The following TOPAZ1 variants were observed in gnomAD, a reference collection of about 807,000 sequenced individuals.
The protein encoded by TOPAZ1 is testis and ovary specific TOPAZ 1.
A neutral mutation model predicts 172.2 loss-of-function variants in TOPAZ1; 66 were observed. The observed-to-expected ratio is 0.38, with a 90% CI of 0.31 to 0.47. The LOEUF is 0.47. Ranked by LOEUF, TOPAZ1 falls within the 20% of genes least tolerant of loss-of-function variation. The pLI, the probability that TOPAZ1 is intolerant of heterozygous loss-of-function variation, is 0.99. For synonymous variants in TOPAZ1, 681 were observed against 683.9 expected (o/e 1.00, Z 0.07); for missense variants, 1,822 against 1,972.4 (o/e 0.92, Z 1.44).
chr3:44,284,789 C>T (rs1700060156), intron 9 of TOPAZ1, among the ~76,000 whole-genome samples: 1 of 152,052 alleles, frequency 6.6e-6, no homozygotes, highest in Non-Finnish European at 1.5e-5. Flanking sequence ...ATTAGCAATT[C>T]AGTAGAAAAA....
Position 44,243,879 on chromosome 3 carries a change from A to C in TOPAZ1, c.1373A>C (p.Asn458Thr). Residue 458 changes from asparagine to threonine, a missense_variant, in exon 2 of 20, where the codon AAT (asparagine) becomes ACT (threonine). Asn to Thr is a moderately conservative substitution (Grantham distance 65). Around this residue, in one of 2 missense-constraint regions of TOPAZ1, gnomAD observed 1,489 missense variants for 1,490.8 expected, o/e 1.00. Coordinates refer to ENST00000309765, the MANE Select transcript of TOPAZ1 (RefSeq NM_001145030.2). ...SMKSFIGKSP[N>T]EYHIERRSSR... ...AAAAGCTTCATAGGGAAATCACCTAATGAGTACCATATTGAAAGGAGATCT... is the reference window on the plus strand; with the variant it reads ...AAAAGCTTCATAGGGAAATCACCTACTGAGTACCATATTGAAAGGAGATCT... The C allele has an allele frequency of 6.4e-7, 1 of 1,551,976 alleles. No homozygotes were observed. Among genetic ancestry groups the C allele is most frequent in the East Asian group, 2.4e-5 (1 of 40,894 alleles).
intron 8 of TOPAZ1, among the ~76,000 whole-genome samples, chr3:44,277,397 ATTC>A (rs1359759969): frequency 3.9e-5 from 6 of 152,170 alleles, no homozygotes; most frequent in African/African-American, 1.4e-4. Flanking sequence ...TTTCTGGTGT[ATTC>A]TTTGGTTATT....
At chr3:44,316,873 T>C (rs900186646) in intron 16 of TOPAZ1, among the ~76,000 whole-genome samples, 40 of 152,188 alleles carry the variant, frequency 2.6e-4, no homozygotes, top group African/African-American at 9.7e-4. Context: ...CTTGAATCTG[T>C]TGGGTCTGTT....
At chr3:44,262,928 C>G (rs1699790824) in intron 5 of TOPAZ1, among the ~76,000 whole-genome samples, 1 of 152,294 alleles carries the variant, frequency 6.6e-6, no homozygotes, top group Admixed American at 6.5e-5. Context: ...CTCCACCACC[C>G]TCATTTTGCA....
chr3:44,305,134 A>G lies in TOPAZ1; in HGVS notation c.3865-13A>G. 2 of 1,475,274 alleles carry G rather than the reference A, an allele frequency of 1.4e-6. No homozygotes were observed. The highest frequency in any genetic ancestry group is 1.8e-6 in the Non-Finnish European group (2 of 1,108,142). The allele number at this position is 1,475,274 out of a possible 1,614,324, so 91.4% of individuals were successfully genotyped here. On this transcript the variant is annotated splice_polypyrimidine_tract_variant and intron_variant, in intron 13 of 19. Coordinates refer to ENST00000309765, the MANE Select transcript of TOPAZ1 (RefSeq NM_001145030.2). ...CTTTTTCTTTTTTGTTTTGTTTTTA[A>G]TAATTTTGATAGCATTGTAAAGAAA...
chr3:44,310,534 C>T (rs1004950789), intron 16 of TOPAZ1, among the ~76,000 whole-genome samples: 2 of 152,070 alleles, frequency 1.3e-5, no homozygotes, highest in African/African-American at 2.4e-5. Flanking sequence ...CTTGCTATGG[C>T]CTAGGCTCCA....
rs2125674927 is a variant in TOPAZ1, at chr3:44,243,445, A to C, written c.939A>C (p.Gln313His). 6.4e-7 allele frequency: 1 copy of C among 1,551,708 alleles called. No individual in the cohort carries two copies. The highest frequency in any genetic ancestry group is 8.7e-7 in the Non-Finnish European group (1 of 1,146,962). The change falls in exon 2 of 20, where the codon CAA (glutamine) becomes CAC (histidine). Residue 313 changes from glutamine to histidine, a missense_variant. Transcript: ENST00000309765. ...SKTNGLLSCLQHEKNKYSIEE... is the reference protein window; with the variant it reads ...SKTNGLLSCLHHEKNKYSIEE... ...CCAATGGCTTGCTTTCCTGCCTTCAACATGAAAAAAATAAATATTCAATAG... is the reference window on the plus strand; with the variant it reads ...CCAATGGCTTGCTTTCCTGCCTTCACCATGAAAAAAATAAATATTCAATAG...
chr3:44,316,149 G>C (rs1417622275), intron 16 of TOPAZ1, among the ~76,000 whole-genome samples: 2 of 152,046 alleles, frequency 1.3e-5, no homozygotes, highest in Admixed American at 1.3e-4. Context: ...AGGAGGCTGA[G>C]GTGGGAGGAT....
chr3:44,244,290 A>G lies in TOPAZ1; in HGVS notation c.1784A>G (p.Lys595Arg), dbSNP rs1699530759. The G allele has an allele frequency of 1.3e-6, 2 of 1,550,794 alleles. No individual in the cohort carries two copies. The highest frequency in any genetic ancestry group is 1.7e-6 in the Non-Finnish European group (2 of 1,146,786). Reference protein sequence around the residue: ...IKEPIIKDDKKIKSEELSRRG... With the variant: ...IKEPIIKDDKRIKSEELSRRG... ...GAACCTATAATCAAGGATGATAAAA[A>G]GATAAAATCAGAGGAACTGAGCAGA... is the stretch of plus-strand genomic sequence containing the variant. Residue 595 changes from lysine to arginine, a missense_variant, in exon 2 of 20, where the codon AAG becomes AGG. Transcript: ENST00000309765.
intron 6 of TOPAZ1, 93 bp downstream of exon 6, chr3:44,267,229 G>C: frequency 1.2e-5 from 11 of 886,350 alleles, no homozygotes; most frequent in East Asian, 1.2e-4. Context: ...GATTAAAAAA[G>C]AAAAATGGAA....
chr3:44,286,535 A>T (rs1056154284), intron 9 of TOPAZ1, among the ~76,000 whole-genome samples: 1 of 152,240 alleles, frequency 6.6e-6, no homozygotes, highest in African/African-American at 2.4e-5. Flanking sequence ...AAAAATTATT[A>T]AAACTTTAAC....
chr3:44,247,732 C>T (rs920319198), intron 2 of TOPAZ1, among the ~76,000 whole-genome samples: 10 of 152,200 alleles, frequency 6.6e-5, no homozygotes, highest in African/African-American at 2.2e-4. Context: ...TCACTGCAAC[C>T]TATGCCTCCC....
chr3:44,297,849 TG>T (rs1559541466), intron 12 of TOPAZ1, among the ~76,000 whole-genome samples: 1 of 151,794 alleles, frequency 6.6e-6, no homozygotes, highest in African/African-American at 2.4e-5. Flanking sequence ...GAAAACGAAC[TG>T]GGGAAACCAG....
intron 5 of TOPAZ1, among the ~76,000 whole-genome samples, chr3:44,265,325 G>C (rs1185777973): frequency 2.0e-5 from 3 of 152,200 alleles, no homozygotes; most frequent in Admixed American, 6.5e-5. Context: ...ACTTCGGGAG[G>C]CCAAGGTGGG....
intron 3 of TOPAZ1, among the ~76,000 whole-genome samples, chr3:44,255,233 A>T (rs1177971670): frequency 3.0e-4 from 45 of 152,344 alleles, no homozygotes; most frequent in Non-Finnish European, 1.6e-4. Flanking sequence ...ATTATTTAAT[A>T]AATAACTTTG....
At position 44,242,149 on chromosome 3, in the gene TOPAZ1, G is replaced by A. The variant is rs1028041281; in HGVS notation, c.96G>A (p.Ala32=). ...AGCGGCAGGCGCCAGGGCCAGGCGC[G>A]GCGGGAGGCTGTGGCCCTGAGGCCG... ...LQKRQAPGPG[A]AGGCGPEAGG... Residue 32 remains alanine (A), a synonymous_variant, in exon 1 of 20, where the codon GCG becomes GCA. Transcript: ENST00000309765. 25 of 1,548,566 alleles carry A rather than the reference G, an allele frequency of 1.6e-5. No individual in the cohort carries two copies. Among genetic ancestry groups the A allele is most frequent in the Non-Finnish European group, 2.2e-5 (25 of 1,146,284 alleles).
intron 3 of TOPAZ1, among the ~76,000 whole-genome samples, 184 bp from the exon 4 acceptor site, chr3:44,255,967 A>T (rs934358533): frequency 6.6e-6 from 1 of 151,822 alleles, no homozygotes; most frequent in Non-Finnish European, 1.5e-5. Flanking sequence ...CTTTTTATAT[A>T]ATATAATGGA....
chr3:44,269,255 A>G lies in TOPAZ1; in HGVS notation c.3200A>G (p.Gln1067Arg). The change falls in exon 7 of 20, where the codon CAG becomes CGG. Residue 1067 changes from glutamine to arginine, a missense_variant. Gln to Arg is a conservative substitution (Grantham distance 43). Coordinates refer to ENST00000309765, the MANE Select transcript of TOPAZ1 (RefSeq NM_001145030.2). ...FLGKHSVLKLQNPETCEIFKR... is the reference protein window; with the variant it reads ...FLGKHSVLKLRNPETCEIFKR... Reference sequence around the variant, plus strand: ...GGAAAACATTCTGTCCTAAAGCTGCAGAATCCTGAAACTTGTGAAATATTC... The same window carrying G: ...GGAAAACATTCTGTCCTAAAGCTGCGGAATCCTGAAACTTGTGAAATATTC... The G allele has an allele frequency of 1.3e-6, 2 of 1,550,432 alleles. No homozygotes were observed. The highest frequency in any genetic ancestry group is 1.7e-6 in the Non-Finnish European group (2 of 1,145,884).
rs1699510300 is a variant in TOPAZ1 at position 44,243,298 on chromosome 3, C to G, written c.792C>G (p.Asn264Lys). ...HVAENFSKKE[N>K]LRSLAEKSDT... ...CAGAAAATTTCTCAAAGAAAGAAAA[C>G]CTTAGGAGTCTTGCAGAGAAGAGTG... is the stretch of plus-strand genomic sequence containing the variant. Residue 264 changes from asparagine (N) to lysine (K), a missense_variant, in exon 2 of 20, where the codon AAC becomes AAG. This residue lies in a region of TOPAZ1 where 1,489 missense variants were observed against 1,490.8 expected (regional missense o/e 1.00). Transcript: ENST00000309765. The G allele has an allele frequency of 1.1e-5, 17 of 1,551,396 alleles. No individual in the cohort carries two copies. The highest frequency in any genetic ancestry group is 1.5e-5 in the Non-Finnish European group (17 of 1,146,916).
Sources: gnomAD v4.1 joint callset for allele counts (sites outside exome capture counted in the v4.1 genomes callset) on GRCh38, gnomAD v4.1.1 for gene constraint, gnomAD v4.1.1 regional missense constraint, MANE v1.5 for transcripts, NCBI Gene and HGNC (gene_info 2026-07-23, HGNC 2026-07-21) for gene names.